The following DENND6B variants were observed in gnomAD, a reference collection of about 807,000 sequenced individuals.
The protein encoded by DENND6B is protein DENND6B.
Under a neutral mutation model 85.1 loss-of-function variants are expected in DENND6B, and 73 were observed. That is an observed-to-expected ratio of 0.86 (90% confidence interval 0.71 to 1.04). DENND6B has a LOEUF of 1.04. DENND6B is among the 50% of genes least tolerant of loss of function. The pLI, the probability that DENND6B is intolerant of heterozygous loss-of-function variation, is 0.00. For synonymous variants in DENND6B, 357 were observed against 329.3 expected, an observed-to-expected ratio of 1.08 and a Z score of -0.91; for missense variants, 715 against 785.8, an observed-to-expected ratio of 0.91 and a Z score of 1.08.
At chr22:50,319,514 C>G in intron 1 of DENND6B, 1 of 969,694 alleles carries the variant, frequency 1.0e-6, no homozygotes, top group Non-Finnish European at 1.2e-6. Context: ...AAGGGTAGTG[C>G]TTCAGGGACC....
In DENND6B at chr22:50,314,449, T is replaced by C. The variant is rs774518662; in HGVS notation, c.1023A>G (p.Thr341=). 6 of 1,564,104 alleles carry C rather than the reference T, an allele frequency of 3.8e-6. 2 individuals are homozygous for C. The South Asian group carries it at 5.9e-5, about 15-fold the overall frequency. The change falls in exon 12 of 20, where the codon ACA becomes ACG. Residue 341 remains threonine, a synonymous_variant. Transcript: ENST00000413817. ...LGVTNPFFIK[T]LQHWPHILRV... Reference sequence around the variant, plus strand: ...GGAGGATGTGGGGCCAGTGCTGGAGTGTTTTGATAAAGAAAGGGTTTGTGA... The same window carrying C: ...GGAGGATGTGGGGCCAGTGCTGGAGCGTTTTGATAAAGAAAGGGTTTGTGA...
At chr22:50,319,419 C>T (rs1479677287) in intron 1 of DENND6B, 5 of 985,316 alleles carry the variant, frequency 5.1e-6, no homozygotes, top group Non-Finnish European at 6.0e-6. Flanking sequence ...ACCCCTGGTC[C>T]TCACAGCCAC....
intron 1 of DENND6B, among the ~76,000 whole-genome samples, chr22:50,325,459 C>G (rs1337029552): frequency 6.6e-6 from 1 of 151,564 alleles, no homozygotes; most frequent in East Asian, 1.9e-4. Flanking sequence ...TCCTCAGTCT[C>G]CCGAGTAGCT....
chr22:50,314,047 G>A (rs1347337743), intron 13 of DENND6B, 160 bp downstream of exon 13: 1 of 1,262,666 alleles, frequency 7.9e-7, no homozygotes, highest in Non-Finnish European at 1.1e-6. Flanking sequence ...ACCCACTGAA[G>A]AGAAGAGAGC....
intron 5 of DENND6B, 87 bp downstream of exon 5, chr22:50,317,206 G>A: frequency 6.9e-7 from 1 of 1,458,804 alleles, no homozygotes; most frequent in Non-Finnish European, 9.4e-7. Flanking sequence ...TGGAGGCTCA[G>A]GCCCCTTGCC....
chr22:50,316,565 C>T, intron 5 of DENND6B, 90 bp from the exon 6 acceptor site: 2 of 1,545,968 alleles, frequency 1.3e-6, no homozygotes, highest in Non-Finnish European at 1.7e-6. Context: ...GCCACGCTCA[C>T]CTGGAGCTGG....
rs1356291683 is a variant in DENND6B, at chr22:50,326,934, C to G, written c.55G>C (p.Ala19Pro). Reference sequence around the variant, plus strand: ...GCGCGACCTGAAGACGTGGGTCCAGCCGCGCCCAGGCAGCCGCGAGCCCGG... The same window carrying G: ...GCGCGACCTGAAGACGTGGGTCCAGGCGCGCCCAGGCAGCCGCGAGCCCGG... ...PRRARGCLGA[A>P]GPTSSGRAAR... is the part of the protein sequence containing the mutation. The change falls in exon 1 of 20, where the codon GCT (alanine) becomes CCT (proline). Residue 19 changes from alanine (A) to proline (P), a missense_variant. Coordinates refer to ENST00000413817, the MANE Select transcript of DENND6B (RefSeq NM_001001794.4). The G allele has an allele frequency of 7.6e-6, 10 of 1,309,216 alleles. No homozygotes were observed. The highest frequency in any genetic ancestry group is 9.7e-6 in the Non-Finnish European group (10 of 1,034,278). The allele number at this position is 1,309,216 out of a possible 1,614,324, so 81.1% of individuals were successfully genotyped here.
intron 1 of DENND6B, among the ~76,000 whole-genome samples, chr22:50,324,348 C>G (rs1404079554): frequency 6.6e-6 from 1 of 152,224 alleles, no homozygotes; most frequent in Non-Finnish European, 1.5e-5. Context: ...TCCTAAAGGG[C>G]AAGAGCCTTG....
Position 50,312,176 on chromosome 22 carries a change from A to G in DENND6B, c.1721T>C (p.Leu574Pro). ...QLYIETVIGS[L>P]PKDLQAVLCP... ...CAAGACAGCCTGCAGGTCTTTGGGC[A>G]GGGAGCCGATGACCGTCTCGATGTA... The change falls in exon 20 of 20, where the codon CTG becomes CCG. Residue 574 changes from leucine (L) to proline (P), a missense_variant. By Grantham distance (98) the Leu-to-Pro change is moderately conservative. Transcript: ENST00000413817. The G allele has an allele frequency of 6.2e-7, 1 of 1,612,528 alleles. No homozygotes were observed. The highest frequency in any genetic ancestry group is 8.5e-7 in the Non-Finnish European group (1 of 1,179,754).
At chr22:50,318,270 G>C (rs546944865) in intron 3 of DENND6B, among the ~76,000 whole-genome samples, 5 of 152,282 alleles carry the variant, frequency 3.3e-5, no homozygotes, top group African/African-American at 1.2e-4. Context: ...TTGAACTTAG[G>C]GGGCGGAGGT....
At position 50,324,020 on chromosome 22, in the gene DENND6B, A is replaced by C. The variant is rs369328394; in HGVS notation, c.177+2792T>G. ...AAAGGGCTGGATTATAGGCAGGACC[A>C]CTGCGCCCAGCCCAAGAGGTGAGTT... is the stretch of plus-strand genomic sequence containing the variant. On this transcript the variant is annotated intron_variant, in intron 1 of 19. Coordinates refer to ENST00000413817, the MANE Select transcript of DENND6B (RefSeq NM_001001794.4). 7.2e-5 allele frequency among the ~76,000 whole-genome samples: 11 copies of C among 152,080 alleles called. No individual in the cohort carries two copies. In the South Asian group the frequency reaches 2.3e-3, roughly 32 times the overall value.
Position 50,310,278 on chromosome 22 carries a change from G to A in DENND6B, c.*1861C>T, listed in dbSNP as rs1206039172. The A allele has an allele frequency of 2.0e-5, 3 of 152,228 alleles. No individual in the cohort carries two copies. 9.4% of individuals were successfully genotyped at this position (152,228 alleles called of 1,614,324 possible). ...TGCCACAGAACAGGTTTGCCACCTC[G>A]GCCTCTATGTGTTCTGTTTCATGTG... On this transcript the variant is annotated 3_prime_UTR_variant, in exon 20 of 20. Transcript: ENST00000413817.
At chr22:50,312,450 G>A (rs73439304) in intron 18 of DENND6B, 33 bp from the exon 19 acceptor site, 59,991 of 1,599,418 alleles carry the variant, frequency 0.038, 3,243 homozygotes, top group African/African-American at 0.26. Flanking sequence ...CTGTCAGCAA[G>A]GCCCCTCACT....
In DENND6B at chr22:50,312,184, G is replaced by A. The variant is rs375165945; in HGVS notation, c.1713C>T (p.Ile571=). 161 of 1,612,392 alleles carry A rather than the reference G, an allele frequency of 1.0e-4. 1 individual carries two copies. The highest frequency in any genetic ancestry group is 1.3e-4 in the East Asian group (6 of 44,872). ...QRAQLYIETV[I]GSLPKDLQAV... The stretch of plus-strand genomic sequence containing the variant: ...CCTGCAGGTCTTTGGGCAGGGAGCC[G>A]ATGACCGTCTCGATGTACAGCTGTG... The change falls in exon 20 of 20, where the codon ATC becomes ATT. Residue 571 remains isoleucine, a synonymous_variant. Transcript: ENST00000413817.
At position 50,310,067 on chromosome 22, in the gene DENND6B, C is replaced by G. The variant is rs566546973; in HGVS notation, c.*2072G>C. 2.6e-5 allele frequency: 4 copies of G among 152,236 alleles called. No individual in the cohort carries two copies. The highest frequency in any genetic ancestry group is 5.9e-5 in the Non-Finnish European group (4 of 68,044). The allele number at this position is 152,236 out of a possible 1,614,324, so 9.4% of individuals were successfully genotyped here. A position where few individuals can be genotyped will look rare whatever the true frequency, so the allele number is the denominator to read the frequency against. On this transcript the variant is annotated 3_prime_UTR_variant, in exon 20 of 20. Transcript: ENST00000413817. ...CAGCTGATGGCAGGGCCTGTACTGG[C>G]CCCCCAGGCCCCATCTTATGGAGGT...
In DENND6B at chr22:50,320,812, G is replaced by A. The variant is rs560558228; in HGVS notation, c.178-1809C>T. Among the ~76,000 whole-genome samples, 117 of 152,338 alleles carry A rather than the reference G, an allele frequency of 7.7e-4. No individual in the cohort carries two copies. The Middle Eastern group carries it at 0.014, about 18-fold the overall frequency. ...CTCTGCACCTGGTCTGCCAGTCACA[G>A]GAGCCTGTGGCCTCTGAGCTCCGTG... On this transcript the variant is annotated intron_variant, in intron 1 of 19. Coordinates refer to ENST00000413817, the MANE Select transcript of DENND6B (RefSeq NM_001001794.4).
intron 1 of DENND6B, among the ~76,000 whole-genome samples, chr22:50,323,020 C>CTTTTTTTT (rs386395718): frequency 7.7e-5 from 3 of 39,030 alleles, no homozygotes; most frequent in Non-Finnish European, 1.2e-4. Context: ...CCGGCTAATG[C>CTTTTTTTT]TTTTTTTTTT....
In DENND6B at chr22:50,319,105, C is replaced by G. The variant is rs575980668; in HGVS notation, c.178-102G>C. The G allele has an allele frequency of 1.4e-5, 22 of 1,544,636 alleles. No individual in the cohort carries two copies. The African/African-American group carries it at 3.0e-4, about 21-fold the overall frequency. On this transcript the variant is annotated intron_variant, in intron 1 of 19. Transcript: ENST00000413817. Reference sequence around the variant, plus strand: ...GTGACCGTCCCAGCAGCTGCAGCATCTGTCTGTGGGGCGCAGGTCAGTGCC... The same window carrying G: ...GTGACCGTCCCAGCAGCTGCAGCATGTGTCTGTGGGGCGCAGGTCAGTGCC...
At chr22:50,318,045 C>T (rs748396897) in intron 3 of DENND6B, 25 bp from the exon 4 acceptor site, 101 of 1,608,642 alleles carry the variant, frequency 6.3e-5, no homozygotes, top group Middle Eastern at 1.7e-4. Flanking sequence ...CCCCACCACA[C>T]GGGTCAAGGC....
Sources: allele counts gnomAD v4.1 joint callset (sites outside exome capture counted in the v4.1 genomes callset), GRCh38; gene constraint gnomAD v4.1.1; transcripts MANE v1.5; gene names NCBI Gene and HGNC (gene_info 2026-07-23, HGNC 2026-07-21).